Variants in ATXN7L1 observed in about 807,000 individuals in gnomAD.
The protein encoded by ATXN7L1 is ataxin 7 like 1.
Under a neutral mutation model 70.8 loss-of-function variants are expected in ATXN7L1, and 15 were observed. That is an observed-to-expected ratio of 0.21 (90% CI 0.14 to 0.33). The LOEUF (loss-of-function observed/expected upper bound fraction) is 0.33, where lower values mean the gene tolerates loss of function less well. Ranked by LOEUF, ATXN7L1 falls within the 10% of genes least tolerant of loss-of-function variation. ATXN7L1 has a pLI of 1.00. For synonymous variants in ATXN7L1, 440 were observed against 445.1 expected, an observed-to-expected ratio of 0.99 and a Z score of 0.14; for missense variants, 975 against 1,097.1, an observed-to-expected ratio of 0.89 and a Z score of 1.57.
At chr7:105,786,509 T>C (rs1804328567) in intron 3 of ATXN7L1, among the ~76,000 whole-genome samples, 1 of 152,028 alleles carries the variant, frequency 6.6e-6, no homozygotes, top group African/African-American at 2.4e-5. Context: ...ATTTTTTGGG[T>C]TTCGTTTTGT....
At chr7:105,654,475 G>A (rs1468678736) in intron 4 of ATXN7L1, among the ~76,000 whole-genome samples, 2 of 152,248 alleles carry the variant, frequency 1.3e-5, no homozygotes, top group East Asian at 1.9e-4. Context: ...TTGACGTCAG[G>A]CAACACCGAG....
At chr7:105,620,045 A>C (rs2115785437) in intron 9 of ATXN7L1, among the ~76,000 whole-genome samples, 155 bp downstream of exon 9, 1 of 152,370 alleles carries the variant, frequency 6.6e-6, no homozygotes, top group Non-Finnish European at 1.5e-5. Context: ...GCAAACCATT[A>C]AGAAGAGCTG....
At chr7:105,826,042 C>A (rs116638076) in intron 2 of ATXN7L1, among the ~76,000 whole-genome samples, 1 of 152,086 alleles carries the variant, frequency 6.6e-6, no homozygotes, top group African/African-American at 2.4e-5. Context: ...TGAAGAAGTA[C>A]TCATATATAT....
chr7:105,615,400 C>T (rs896200834), intron 9 of ATXN7L1, among the ~76,000 whole-genome samples: 7 of 152,046 alleles, frequency 4.6e-5, no homozygotes, highest in African/African-American at 1.7e-4. Context: ...GGCCAGCATC[C>T]TCTCGCCTTT....
At chr7:105,725,622 C>T (rs1461945051) in intron 3 of ATXN7L1, among the ~76,000 whole-genome samples, 1 of 147,600 alleles carries the variant, frequency 6.8e-6, no homozygotes, top group Non-Finnish European at 1.5e-5. Context: ...ACTCTGTCAT[C>T]CAGGCTAGAG....
intron 3 of ATXN7L1, among the ~76,000 whole-genome samples, chr7:105,694,589 G>A (rs913261826): frequency 2.6e-5 from 4 of 152,186 alleles, no homozygotes; most frequent in Admixed American, 1.3e-4. Context: ...CCAATCCTGG[G>A]TCTCAGCCTC....
intron 2 of ATXN7L1, among the ~76,000 whole-genome samples, chr7:105,829,004 G>A (rs2116581749): frequency 6.6e-6 from 1 of 152,318 alleles, no homozygotes; most frequent in East Asian, 1.9e-4. Flanking sequence ...TAGATAAGCA[G>A]TCTTATTTGC....
rs1428901652 is a variant in ATXN7L1 at position 105,607,898 on chromosome 7, G to A, written c.2548-8C>T. The A allele has an allele frequency of 2.6e-5, 41 of 1,551,570 alleles. No individual in the cohort carries two copies. The highest frequency in any genetic ancestry group is 3.4e-5 in the Non-Finnish European group (39 of 1,146,746). ...GCCCGTTCTGTTTGTGTTCTTCTAGGAAAGAAAAGAAAAACTTGTTTCAAA... is the reference window on the plus strand; with the variant it reads ...GCCCGTTCTGTTTGTGTTCTTCTAGAAAAGAAAAGAAAAACTTGTTTCAAA... On this transcript the variant is annotated splice_polypyrimidine_tract_variant and splice_region_variant and intron_variant, in intron 11 of 11. Coordinates refer to ENST00000419735, the MANE Select transcript of ATXN7L1 (RefSeq NM_020725.2).
chr7:105,821,239 A>T (rs1343911363), intron 2 of ATXN7L1, among the ~76,000 whole-genome samples: 1 of 152,046 alleles, frequency 6.6e-6, no homozygotes, highest in African/African-American at 2.4e-5. Context: ...GGGTTTCTCC[A>T]TGTTGGTCAG....
intron 7 of ATXN7L1, among the ~76,000 whole-genome samples, chr7:105,628,546 T>C (rs1052703150): frequency 4.6e-5 from 7 of 152,000 alleles, no homozygotes; most frequent in African/African-American, 1.4e-4. Context: ...TCCCAGCACT[T>C]TGGGAGGCCG....
intron 3 of ATXN7L1, among the ~76,000 whole-genome samples, chr7:105,718,661 G>C (rs1000862953): frequency 6.6e-6 from 1 of 152,192 alleles, no homozygotes; most frequent in African/African-American, 2.4e-5. Flanking sequence ...AGGTTGGAAG[G>C]GTGACAACTG....
chr7:105,807,651 C>T (rs1330258008), intron 2 of ATXN7L1, among the ~76,000 whole-genome samples: 1 of 152,176 alleles, frequency 6.6e-6, no homozygotes, highest in Non-Finnish European at 1.5e-5. Flanking sequence ...GTTTGTGTGC[C>T]CTCTCTTGTT....
At chr7:105,792,359 G>A (rs1430282490) in intron 2 of ATXN7L1, among the ~76,000 whole-genome samples, 1 of 152,190 alleles carries the variant, frequency 6.6e-6, no homozygotes, top group Non-Finnish European at 1.5e-5. Context: ...AGGCTGCCCA[G>A]GTCCTGAGGG....
At chr7:105,869,243 A>C (rs371026973) in intron 2 of ATXN7L1, among the ~76,000 whole-genome samples, 6 of 152,350 alleles carry the variant, frequency 3.9e-5, no homozygotes, top group African/African-American at 1.2e-4. Context: ...CAAAGTGAAC[A>C]AATGTTACTG....
At chr7:105,665,746 A>G (rs1000358867) in intron 3 of ATXN7L1, among the ~76,000 whole-genome samples, 11 of 152,220 alleles carry the variant, frequency 7.2e-5, no homozygotes, top group African/African-American at 2.7e-4. Flanking sequence ...CAGGAGCACT[A>G]AAGTAAGACG....
chr7:105,692,415 T>TTCCCTCCC lies in ATXN7L1; in HGVS notation c.356-27128_356-27127insGGGAGGGA, dbSNP rs1379205062. ...CTTCCTTCCTTCCTTCCTTCCTTCC[T>TTCCCTCCC]TCCTTCCTTCCTCCCTCCCTCCCTC... On this transcript the variant is annotated intron_variant, in intron 3 of 11. Coordinates refer to ENST00000419735, the MANE Select transcript of ATXN7L1 (RefSeq NM_020725.2). Among the ~76,000 whole-genome samples, 938 of 134,808 alleles carry TTCCCTCCC rather than the reference T, an allele frequency of 7.0e-3. 19 individuals carry two copies. The highest frequency in any genetic ancestry group is 0.024 in the African/African-American group (832 of 34,258). 88.4% of individuals were successfully genotyped at this position (134,808 alleles called of 152,430 possible).
At chr7:105,741,753 G>A (rs1798044104) in intron 3 of ATXN7L1, among the ~76,000 whole-genome samples, 2 of 152,208 alleles carry the variant, frequency 1.3e-5, no homozygotes, top group African/African-American at 4.8e-5. Context: ...GGTCATGAGG[G>A]TGGGCCCTAA....
At position 105,636,197 on chromosome 7, in the gene ATXN7L1, C is replaced by T. The variant is rs1445499206; in HGVS notation, c.1202+2156G>A. Among the ~76,000 whole-genome samples, 3 of 152,050 alleles carry T rather than the reference C, an allele frequency of 2.0e-5. No individual in the cohort carries two copies. In the East Asian group the frequency reaches 5.8e-4, roughly 29 times the overall value. ...ATCACCTGAGGTTAGGAGTTTGAGA[C>T]CAACTTGGCCAACATGGTGAAACCC... On this transcript the variant is annotated intron_variant, in intron 7 of 11. Transcript: ENST00000419735.
intron 2 of ATXN7L1, among the ~76,000 whole-genome samples, chr7:105,846,953 G>A (rs1040529658): frequency 2.0e-5 from 3 of 152,202 alleles, no homozygotes; most frequent in Admixed American, 6.5e-5. Context: ...CAGGGACTGA[G>A]GGGAGGAGGG....
Sources: gnomAD v4.1 joint callset for allele counts (sites outside exome capture counted in the v4.1 genomes callset) on GRCh38, gnomAD v4.1.1 for gene constraint, MANE v1.5 for transcripts, NCBI Gene and HGNC (gene_info 2026-07-23, HGNC 2026-07-21) for gene names.